DIS3L2: variants seen among roughly 807,000 people sequenced by gnomAD.
The protein encoded by DIS3L2 is DIS3 like 3'-5' exoribonuclease 2.
Under a neutral mutation model 97.5 loss-of-function variants are expected in DIS3L2, and 34 were observed. That is an observed-to-expected ratio of 0.35 (90% CI 0.27 to 0.46). The LOEUF (loss-of-function observed/expected upper bound fraction) is 0.46, where lower values mean the gene tolerates loss of function less well. DIS3L2 is among the 20% of genes least tolerant of loss of function. The probability of loss-of-function intolerance (pLI) is 1.00; values close to 1 mark genes in which losing one functional copy is unlikely to be tolerated. For missense variants in DIS3L2, 1,038 were observed against 1,146.0 expected (o/e 0.91, Z 1.36); for synonymous variants, 435 against 445.2 (o/e 0.98, Z 0.29).
intron 9 of DIS3L2, among the ~76,000 whole-genome samples, chr2:232,166,121 A>G (rs1180799818): frequency 1.3e-5 from 2 of 151,364 alleles, no homozygotes; most frequent in Non-Finnish European, 2.9e-5. Flanking sequence ...TAAATAAAAT[A>G]TTAGCCAGGC....
intron 9 of DIS3L2, among the ~76,000 whole-genome samples, chr2:232,193,490 A>T (rs1201923323): frequency 2.6e-5 from 4 of 152,206 alleles, no homozygotes; most frequent in Non-Finnish European, 5.9e-5. Context: ...TTGATAAAAT[A>T]TTGCCCCTTT....
At chr2:232,117,474 G>A (rs1214189864) in intron 6 of DIS3L2, among the ~76,000 whole-genome samples, 1 of 152,208 alleles carries the variant, frequency 6.6e-6, no homozygotes, top group Non-Finnish European at 1.5e-5. Context: ...GTAAAGCGTA[G>A]CATTTTGTTA....
intron 9 of DIS3L2, 94 bp downstream of exon 9, chr2:232,163,726 ATTCAAG>A: frequency 1.4e-6 from 2 of 1,400,374 alleles, no homozygotes; most frequent in Non-Finnish European, 1.9e-6. Context: ...TTCCACGAAC[ATTCAAG>A]TTCAGTTCAG....
chr2:232,124,607 G>A (rs1698003684), intron 6 of DIS3L2, among the ~76,000 whole-genome samples: 1 of 152,104 alleles, frequency 6.6e-6, no homozygotes, highest in Non-Finnish European at 1.5e-5. Flanking sequence ...AGAGTGAGAA[G>A]GTTTAAATAA....
At chr2:231,964,120 A>G (rs1692643063) in intron 1 of DIS3L2, among the ~76,000 whole-genome samples, 1 of 152,182 alleles carries the variant, frequency 6.6e-6, no homozygotes, top group Non-Finnish European at 1.5e-5. Flanking sequence ...AGCACCATTT[A>G]TTGAATAGGG....
intron 8 of DIS3L2, among the ~76,000 whole-genome samples, chr2:232,162,913 G>A (rs1459439173): frequency 6.6e-6 from 1 of 152,176 alleles, no homozygotes. Context: ...CCTAAAATGT[G>A]CATGGGTGAC....
chr2:232,059,091 A>G (rs1341138120), intron 5 of DIS3L2, among the ~76,000 whole-genome samples: 1 of 152,210 alleles, frequency 6.6e-6, no homozygotes, highest in East Asian at 1.9e-4. Context: ...TGCAATTTCA[A>G]AGGGTTTAGA....
intron 13 of DIS3L2, among the ~76,000 whole-genome samples, chr2:232,296,656 C>T (rs1694733266): frequency 6.6e-6 from 1 of 152,206 alleles, no homozygotes. Context: ...GTAAGACTTG[C>T]CTTTGCTTCT....
At chr2:232,001,116 T>C (rs1383874867) in intron 1 of DIS3L2, among the ~76,000 whole-genome samples, 1 of 152,304 alleles carries the variant, frequency 6.6e-6, no homozygotes, top group South Asian at 2.1e-4. Context: ...TTTTAATTTT[T>C]TGAGAAACCT....
At chr2:232,250,544 G>C (rs1693387836) in intron 12 of DIS3L2, among the ~76,000 whole-genome samples, 1 of 151,058 alleles carries the variant, frequency 6.6e-6, no homozygotes, top group South Asian at 2.1e-4. Flanking sequence ...GAAATTGACA[G>C]TACCAGATAA....
chr2:232,144,806 A>G (rs1311984808), intron 8 of DIS3L2, among the ~76,000 whole-genome samples: 1 of 152,138 alleles, frequency 6.6e-6, no homozygotes, highest in Non-Finnish European at 1.5e-5. Flanking sequence ...TACACTTTTA[A>G]AGAGTACTGG....
In DIS3L2 at chr2:232,305,106, C is replaced by T. The variant is rs149627260; in HGVS notation, c.1739+4987C>T. Among the ~76,000 whole-genome samples, 833 of 152,150 alleles carry T rather than the reference C, an allele frequency of 5.5e-3. 10 individuals carry two copies. The highest frequency in any genetic ancestry group is 0.018 in the African/African-American group (752 of 41,516). On this transcript the variant is annotated intron_variant, in intron 14 of 20. Transcript: ENST00000325385. Reference sequence around the variant, plus strand: ...TTATTTATTTTTTGAGATGGAGTCTCGCTCTGTCACCCAGGCTGGAGTGCA... The same window carrying T: ...TTATTTATTTTTTGAGATGGAGTCTTGCTCTGTCACCCAGGCTGGAGTGCA...
chr2:232,108,046 A>G (rs1697405379), intron 6 of DIS3L2, among the ~76,000 whole-genome samples: 1 of 152,144 alleles, frequency 6.6e-6, no homozygotes, highest in Admixed American at 6.5e-5. Flanking sequence ...TCCAGCATCA[A>G]CGTGATACCA....
Position 232,014,967 on chromosome 2 carries a change from G to T in DIS3L2, c.40G>T (p.Gly14Trp). ...CTACAGAATGAACCTCCGGCCCCTG[G>T]GGACCCCCAGAGGTAGTAAAAGGAA... ...PDYRMNLRPLGTPRGVSAVAG... is the reference protein window; with the variant it reads ...PDYRMNLRPLWTPRGVSAVAG... Residue 14 changes from glycine (G) to tryptophan (W), a missense_variant, in exon 2 of 21, where the codon GGG becomes TGG. Transcript: ENST00000325385. The T allele has an allele frequency of 1.2e-6, 2 of 1,613,950 alleles. No individual in the cohort carries two copies. Among genetic ancestry groups the T allele is most frequent in the Non-Finnish European group, 1.7e-6 (2 of 1,179,944 alleles).
chr2:232,040,101 C>CT (rs1206733016), intron 5 of DIS3L2, among the ~76,000 whole-genome samples: 9 of 152,118 alleles, frequency 5.9e-5, no homozygotes, highest in African/African-American at 2.2e-4. Flanking sequence ...GAAACAAACT[C>CT]TATTTGAAAG....
chr2:232,198,274 C>G (rs924135358), intron 9 of DIS3L2, among the ~76,000 whole-genome samples: 5 of 152,114 alleles, frequency 3.3e-5, no homozygotes, highest in Admixed American at 6.5e-5. Flanking sequence ...AATAAGATTT[C>G]TCGTATGTTG....
chr2:232,248,213 C>G (rs1693318034), intron 11 of DIS3L2, among the ~76,000 whole-genome samples: 1 of 142,504 alleles, frequency 7.0e-6, no homozygotes, highest in South Asian at 2.8e-4. Flanking sequence ...TGCTGAATGT[C>G]CCTCAATTAC....
chr2:232,015,427 T>C (rs141006662), intron 2 of DIS3L2, 87 bp from the exon 3 acceptor site: 13 of 1,507,822 alleles, frequency 8.6e-6, no homozygotes, highest in Non-Finnish European at 9.8e-6. Flanking sequence ...TCTCTTTAAA[T>C]AATAATTGTA....
At chr2:232,065,798 A>G (rs1695838504) in intron 5 of DIS3L2, among the ~76,000 whole-genome samples, 1 of 151,914 alleles carries the variant, frequency 6.6e-6, no homozygotes, top group Admixed American at 6.6e-5. Flanking sequence ...ATGAACAGAT[A>G]TTTATCTCCA....
Sources: gnomAD v4.1 joint callset for allele counts (sites outside exome capture counted in the v4.1 genomes callset) on GRCh38, gnomAD v4.1.1 for gene constraint, MANE v1.5 for transcripts, NCBI Gene and HGNC (gene_info 2026-07-23, HGNC 2026-07-21) for gene names.